The following SGCG variants were observed in gnomAD, a reference collection of about 807,000 sequenced individuals.
The protein encoded by SGCG is gamma-sarcoglycan.
Under a neutral mutation model 29.3 loss-of-function variants are expected in SGCG, and 26 were observed. That is an observed-to-expected ratio of 0.89 (90% CI 0.65 to 1.23). The LOEUF (loss-of-function observed/expected upper bound fraction) is 1.23, where lower values mean the gene tolerates loss of function less well. SGCG is among the 50% of genes most tolerant of loss of function. The probability of loss-of-function intolerance (pLI) is 0.00; values close to 1 mark genes in which losing one functional copy is unlikely to be tolerated. For synonymous variants in SGCG, 145 were observed against 129.7 expected (o/e 1.12, Z -0.80); for missense variants, 353 against 356.0 (o/e 0.99, Z 0.07).
chr13:23,168,578 T>C, the SGCG span, among the ~76,000 whole-genome samples: 2 of 152,208 alleles, frequency 1.3e-5, no homozygotes, highest in African/African-American at 2.4e-5. Context: ...TTGAGGACAG[T>C]TGGTAATTAA....
At position 23,320,766 on chromosome 13, in the gene SGCG, T is replaced by C. The variant is rs1262216516; in HGVS notation, c.702+6T>C. Reference sequence around the variant, plus strand: ...TTCATAGTAGTGATGGAATGGTGAGTTCATTCACAGATCAGCCTCCTACTG... The same window carrying C: ...TTCATAGTAGTGATGGAATGGTGAGCTCATTCACAGATCAGCCTCCTACTG... On this transcript the variant is annotated splice_donor_region_variant and intron_variant, in intron 7 of 7. Transcript: ENST00000218867. The C allele has an allele frequency of 2.5e-6, 4 of 1,612,826 alleles. No individual in the cohort carries two copies. In the African/African-American group the frequency reaches 5.3e-5, roughly 22 times the overall value.
intron 6 of SGCG, among the ~76,000 whole-genome samples, chr13:23,299,456 A>ATTTTTTTTTTTTTTTTTTTTT (rs71100168): frequency 2.4e-5 from 1 of 41,542 alleles, no homozygotes; most frequent in African/African-American, 7.7e-5. Context: ...ATATATATAT[A>ATTTTTTTTTTTTTTTTTTTTT]TTTTTTTTTT....
At chr13:23,174,585 A>G in the SGCG span, among the ~76,000 whole-genome samples, 2 of 152,232 alleles carry the variant, frequency 1.3e-5, no homozygotes, top group Non-Finnish European at 2.9e-5. Context: ...TATTTCACAT[A>G]ATTTCTTCTT....
intron 2 of SGCG, among the ~76,000 whole-genome samples, chr13:23,225,887 C>T (rs1043225163): frequency 6.6e-6 from 1 of 152,118 alleles, no homozygotes. Context: ...ATTTCAATTT[C>T]TGTTCAATAT....
intron 4 of SGCG, among the ~76,000 whole-genome samples, chr13:23,254,616 G>T (rs1211463345): frequency 6.6e-6 from 1 of 152,180 alleles, no homozygotes; most frequent in Non-Finnish European, 1.5e-5. Context: ...AGGCTACAGA[G>T]CAATCACTTA....
chr13:23,271,410 GC>G lies in SGCG; in HGVS notation c.386-7948del, dbSNP rs547196483. 4.0e-3 allele frequency among the ~76,000 whole-genome samples: 583 copies of G among 147,574 alleles called. 4 individuals are homozygous for G. Among genetic ancestry groups the G allele is most frequent in the African/African-American group, 0.014 (547 of 39,064 alleles). On this transcript the variant is annotated intron_variant, in intron 4 of 7. Coordinates refer to ENST00000218867, the MANE Select transcript of SGCG (RefSeq NM_000231.3). ...AAAATACACTAATGATAGCTGATGA[GC>G]TAAAAAAAAAATTGCAAATTAATCT...
Position 23,295,400 on chromosome 13 carries a change from T to C in SGCG, c.506-15T>C, listed in dbSNP as rs1364745131. 1 of 1,602,274 alleles carries C rather than the reference T, an allele frequency of 6.2e-7. No individual in the cohort carries two copies. Among genetic ancestry groups the C allele is most frequent in the Admixed American group, 1.7e-5 (1 of 60,004 alleles). On this transcript the variant is annotated splice_polypyrimidine_tract_variant and intron_variant, in intron 5 of 7. Transcript: ENST00000218867. ...TTTTACTTCTGCTCCTGATACATCT[T>C]TGTTTTTTGTTTAGGGCCTGAAGGG...
At chr13:23,324,266 AT>A in intron 7 of SGCG, 101 bp from the exon 8 acceptor site, 1 of 1,107,776 alleles carries the variant, frequency 9.0e-7, no homozygotes, top group Non-Finnish European at 1.4e-6. Context: ...TTTGTTTTCT[AT>A]GAGGAGAAGA....
chr13:23,256,936 T>A (rs1880206716), intron 4 of SGCG, among the ~76,000 whole-genome samples: 1 of 152,162 alleles, frequency 6.6e-6, no homozygotes, highest in South Asian at 2.1e-4. Flanking sequence ...TAGTTCTAGA[T>A]CCCTGAGGAA....
chr13:23,234,758 A>G, intron 3 of SGCG, 46 bp downstream of exon 3: 3 of 1,336,874 alleles, frequency 2.2e-6, no homozygotes, highest in Non-Finnish European at 3.2e-6. Flanking sequence ...TGAAAAATAA[A>G]TCATGTTTAA....
intron 6 of SGCG, among the ~76,000 whole-genome samples, chr13:23,310,319 C>T (rs1033556235): frequency 1.3e-5 from 2 of 151,992 alleles, no homozygotes; most frequent in Non-Finnish European, 2.9e-5. Flanking sequence ...ATCTCCTGAC[C>T]TCATGATCTG....
rs1021966200 is a variant in SGCG at position 23,291,131 on chromosome 13, A to G, written c.506-4284A>G. ...ATTGGACAAACCATTTACCATGTCT[A>G]ATCTCAATGACATATTCTAAAAATA... On this transcript the variant is annotated intron_variant, in intron 5 of 7. Transcript: ENST00000218867. Among the ~76,000 whole-genome samples, 4 of 152,228 alleles carry G rather than the reference A, an allele frequency of 2.6e-5. No homozygotes were observed. In the East Asian group the frequency reaches 5.8e-4, roughly 22 times the overall value.
At chr13:23,315,598 C>A (rs113047050) in intron 6 of SGCG, among the ~76,000 whole-genome samples, 2 of 152,208 alleles carry the variant, frequency 1.3e-5, no homozygotes, top group East Asian at 1.9e-4. Flanking sequence ...TGCAGCACTA[C>A]AGCCCCTTTC....
chr13:23,244,185 C>CCGTATCAGGATTACATAT (rs1879612139), intron 3 of SGCG: 4 of 152,156 alleles, frequency 2.6e-5, no homozygotes, highest in Admixed American at 2.6e-4. Flanking sequence ...AACAACACCA[C>CCGTATCAGGATTACATAT]CGTATCAGGA....
intron 4 of SGCG, among the ~76,000 whole-genome samples, chr13:23,267,198 G>A (rs182880167): frequency 7.6e-4 from 116 of 152,298 alleles, no homozygotes; most frequent in South Asian, 4.1e-3. Flanking sequence ...AAGTTTGGCA[G>A]TTGGGTTTTC....
intron 6 of SGCG, among the ~76,000 whole-genome samples, chr13:23,310,279 G>A (rs1882535276): frequency 6.6e-6 from 1 of 151,610 alleles, no homozygotes; most frequent in South Asian, 2.1e-4. Flanking sequence ...GTAGAGACGG[G>A]GTTTCACCCT....
intron 4 of SGCG, among the ~76,000 whole-genome samples, chr13:23,269,611 C>A (rs981302283): frequency 6.6e-6 from 1 of 152,140 alleles, no homozygotes; most frequent in African/African-American, 2.4e-5. Context: ...GGATAGCATA[C>A]GGTAGGTAGT....
the SGCG span, among the ~76,000 whole-genome samples, chr13:23,166,674 A>T: frequency 1.3e-5 from 2 of 152,216 alleles, no homozygotes; most frequent in Non-Finnish European, 2.9e-5. Context: ...CTTGTGTGCC[A>T]GAGGGGAAAT....
intron 2 of SGCG, among the ~76,000 whole-genome samples, chr13:23,227,038 A>C (rs536707774): frequency 1.4e-4 from 21 of 152,228 alleles, no homozygotes; most frequent in Non-Finnish European, 2.6e-4. Flanking sequence ...TATTTTTAGA[A>C]TAATGTAGAA....
Sources: allele counts gnomAD v4.1 joint callset (sites outside exome capture counted in the v4.1 genomes callset), GRCh38; gene constraint gnomAD v4.1.1; transcripts MANE v1.5; gene names NCBI Gene and HGNC (gene_info 2026-07-23, HGNC 2026-07-21).